Variants in UBAP2 observed in about 807,000 individuals in gnomAD.
UBAP2 encodes the protein ubiquitin-associated protein 2.
UBAP2 carries 75 observed loss-of-function variants against 139.6 expected under a neutral mutation model. That is an observed-to-expected ratio of 0.54 (90% CI 0.45 to 0.65). The LOEUF (loss-of-function observed/expected upper bound fraction) is 0.65, where lower values mean the gene tolerates loss of function less well. Ranked by LOEUF, UBAP2 falls within the 30% of genes least tolerant of loss-of-function variation. The pLI is 0.00. For missense variants in UBAP2, 1,368 were observed against 1,369.6 expected (o/e 1.00, Z 0.02); for synonymous variants, 526 against 526.2 (o/e 1.00, Z 0.01).
At chr9:34,023,097 G>A (rs1285752616) in intron 1 of UBAP2, among the ~76,000 whole-genome samples, 3 of 152,012 alleles carry the variant, frequency 2.0e-5, no homozygotes, top group Non-Finnish European at 4.4e-5. Context: ...ATGGTGGCAC[G>A]CGCCTGTAGT....
intron 3 of UBAP2, chr9:33,997,641 A>T (rs1322520352): frequency 6.6e-6 from 1 of 152,218 alleles, no homozygotes; most frequent in Non-Finnish European, 1.5e-5. Flanking sequence ...GAATGCCTGC[A>T]ACATACAATT....
At chr9:34,046,714 T>C (rs1207840504) in intron 1 of UBAP2, among the ~76,000 whole-genome samples, 1 of 151,262 alleles carries the variant, frequency 6.6e-6, no homozygotes, top group Non-Finnish European at 1.5e-5. Context: ...CAAGAAAGGT[T>C]TGTACTTTCT....
chr9:33,941,859 C>T lies in UBAP2; in HGVS notation c.1719G>A (p.Glu573=), dbSNP rs1825238478. Residue 573 remains glutamate, a synonymous_variant, in exon 16 of 29, where the codon GAG becomes GAA. Coordinates refer to ENST00000379238, the MANE Select transcript of UBAP2 (RefSeq NM_001370062.2). Reference sequence around the variant, plus strand: ...TCATTGATAAAGATGTATTCAAAGGCTCACTGAAAAGAGTCAAAAATATTC... The same window carrying T: ...TCATTGATAAAGATGTATTCAAAGGTTCACTGAAAAGAGTCAAAAATATTC... ...PISLYSKSLS[E]PLNTSLSMTS... is the part of the protein sequence containing the mutation. 1 of 1,609,556 alleles carries T rather than the reference C, an allele frequency of 6.2e-7. No individual in the cohort carries two copies. The highest frequency in any genetic ancestry group is 1.7e-5 in the Admixed American group (1 of 59,790).
chr9:34,009,112 T>C (rs117505450), intron 2 of UBAP2, among the ~76,000 whole-genome samples: 1 of 151,980 alleles, frequency 6.6e-6, no homozygotes, highest in East Asian at 1.9e-4. Context: ...GTTTTGTTTT[T>C]TTTTTGAGAC....
chr9:34,036,573 G>T (rs571857421), intron 1 of UBAP2, among the ~76,000 whole-genome samples: 24 of 152,274 alleles, frequency 1.6e-4, no homozygotes, highest in African/African-American at 5.8e-4. Flanking sequence ...TAAACTGTGT[G>T]TGTCTGCTCA....
chr9:33,942,043 G>T (rs1309587860), intron 15 of UBAP2, among the ~76,000 whole-genome samples, 181 bp from the exon 16 acceptor site: 2 of 152,188 alleles, frequency 1.3e-5, no homozygotes, highest in Admixed American at 1.3e-4. Context: ...GCTGCGTGCG[G>T]TGGCTCACGC....
At chr9:33,958,129 T>A (rs1303163326) in intron 10 of UBAP2, among the ~76,000 whole-genome samples, 1 of 152,012 alleles carries the variant, frequency 6.6e-6, no homozygotes, top group Non-Finnish European at 1.5e-5. Context: ...ACACAGCTAT[T>A]TTAAAAATTT....
At chr9:34,011,133 C>G (rs951617659) in intron 2 of UBAP2, among the ~76,000 whole-genome samples, 3 of 152,066 alleles carry the variant, frequency 2.0e-5, no homozygotes, top group African/African-American at 7.2e-5. Flanking sequence ...AAGAATCTCA[C>G]CAAATATTTC....
intron 1 of UBAP2, among the ~76,000 whole-genome samples, chr9:34,018,082 G>C (rs958793722): frequency 6.6e-6 from 1 of 151,752 alleles, no homozygotes; most frequent in Non-Finnish European, 1.5e-5. Flanking sequence ...CAGCTATTTT[G>C]AGGCTAAGAT....
intron 2 of UBAP2, among the ~76,000 whole-genome samples, chr9:34,016,566 T>A (rs1469016928): frequency 6.6e-6 from 1 of 151,878 alleles, no homozygotes; most frequent in African/African-American, 2.4e-5. Context: ...TATTTTATTT[T>A]TTTTTTTAGG....
chr9:33,945,256 T>G (rs1487879472), intron 13 of UBAP2, among the ~76,000 whole-genome samples: 1 of 152,120 alleles, frequency 6.6e-6, no homozygotes. Context: ...CCCAACACTT[T>G]GGGAGGCCGA....
At chr9:34,039,889 T>G (rs973445727) in intron 1 of UBAP2, among the ~76,000 whole-genome samples, 5 of 141,362 alleles carry the variant, frequency 3.5e-5, no homozygotes, top group Admixed American at 2.2e-4. Flanking sequence ...CCGCACACGG[T>G]GGCTCACGTC....
At chr9:33,984,405 G>A (rs1175615190) in intron 6 of UBAP2, among the ~76,000 whole-genome samples, 4 of 152,046 alleles carry the variant, frequency 2.6e-5, no homozygotes, top group Non-Finnish European at 4.4e-5. Flanking sequence ...GCTCACACCT[G>A]TAATCCCTGA....
chr9:33,950,507 T>C (rs1203768251), intron 12 of UBAP2, among the ~76,000 whole-genome samples: 1 of 152,246 alleles, frequency 6.6e-6, no homozygotes, highest in Non-Finnish European at 1.5e-5. Flanking sequence ...CTAACTTCGC[T>C]TTGAGTAAAA....
At chr9:34,028,441 G>A (rs987656799) in intron 1 of UBAP2, among the ~76,000 whole-genome samples, 11 of 151,760 alleles carry the variant, frequency 7.2e-5, no homozygotes, top group Admixed American at 3.3e-4. Context: ...GTGCAGTGGC[G>A]CAACACTGGC....
chr9:33,993,895 T>TC (rs1302419676), intron 4 of UBAP2, among the ~76,000 whole-genome samples: 1 of 87,230 alleles, frequency 1.1e-5, no homozygotes, highest in Non-Finnish European at 2.6e-5. Context: ...AGCTTTGCTT[T>TC]CTTTTTTTTT....
At chr9:33,927,120 C>T in intron 20 of UBAP2, 40 bp from the exon 21 acceptor site, 1 of 1,509,600 alleles carries the variant, frequency 6.6e-7, no homozygotes, top group Non-Finnish European at 9.1e-7. Flanking sequence ...AAATGGTCAC[C>T]ACAAAGAGTG....
intron 14 of UBAP2, 113 bp from the exon 15 acceptor site, chr9:33,943,702 A>C: frequency 1.1e-6 from 1 of 928,310 alleles, no homozygotes; most frequent in Admixed American, 2.6e-5. Flanking sequence ...GGCAAGAAGA[A>C]GGAGTGAGAA....
intron 2 of UBAP2, among the ~76,000 whole-genome samples, chr9:34,011,180 G>A (rs2131251674): frequency 6.6e-6 from 1 of 152,222 alleles, no homozygotes; most frequent in Middle Eastern, 3.4e-3. Flanking sequence ...TTTTGCTGTA[G>A]GGGGCAGTCT....
Sources: gnomAD v4.1 joint callset for allele counts (sites outside exome capture counted in the v4.1 genomes callset) on GRCh38, gnomAD v4.1.1 for gene constraint, MANE v1.5 for transcripts, NCBI Gene and HGNC (gene_info 2026-07-23, HGNC 2026-07-21) for gene names.